CCNY: variants seen among roughly 807,000 people sequenced by gnomAD.
CCNY encodes the protein cyclin Y, also known as cyclin-Y.
In CCNY, 19 loss-of-function variants were observed where a neutral mutation model predicts 42.8. The ratio of observed to expected loss-of-function variants is 0.44; its 90% confidence interval spans 0.31 to 0.65. The LOEUF is 0.65. Ranked by LOEUF, CCNY falls within the 30% of genes least tolerant of loss-of-function variation. The probability of loss-of-function intolerance (pLI) is 0.07; values close to 1 mark genes in which losing one functional copy is unlikely to be tolerated. For synonymous variants in CCNY, 165 were observed against 162.7 expected (o/e 1.01, Z -0.11); for missense variants, 370 against 437.3 (o/e 0.85, Z 1.37).
chr10:35,517,471 T>G, intron 4 of CCNY, among the ~76,000 whole-genome samples: 1 of 152,186 alleles, frequency 6.6e-6, no homozygotes, highest in East Asian at 1.9e-4. Context: ...GAAATAAGTG[T>G]TTAAATTTTA....
At chr10:35,449,498 G>T (rs920156100) in intron 1 of CCNY, among the ~76,000 whole-genome samples, 4 of 152,144 alleles carry the variant, frequency 2.6e-5, no homozygotes, top group African/African-American at 7.2e-5. Flanking sequence ...GCACGCAGGA[G>T]CCTGGCTGAA....
intron 1 of CCNY, among the ~76,000 whole-genome samples, chr10:35,470,009 GAGAC>G (rs1839356913): frequency 6.7e-6 from 1 of 149,754 alleles, no homozygotes. Flanking sequence ...GGGAGATGGA[GAGAC>G]AGACAGGGAG....
intron 1 of CCNY, among the ~76,000 whole-genome samples, chr10:35,454,754 G>T (rs1256161904): frequency 6.6e-6 from 1 of 152,180 alleles, no homozygotes; most frequent in African/African-American, 2.4e-5. Flanking sequence ...TTTCTTCCTG[G>T]CTTTCTTGTG....
chr10:35,498,171 A>C (rs992070050), intron 2 of CCNY, among the ~76,000 whole-genome samples: 1 of 152,152 alleles, frequency 6.6e-6, no homozygotes. Context: ...TCAGCCAGGG[A>C]AACTCCTGGG....
intron 1 of CCNY, among the ~76,000 whole-genome samples, chr10:35,373,389 G>A (rs1264048732): frequency 6.6e-6 from 1 of 152,190 alleles, no homozygotes; most frequent in Non-Finnish European, 1.5e-5. Context: ...GTGTTGGGTT[G>A]AGCACCTGGA....
At chr10:35,525,432 G>A (rs1840633182) in intron 4 of CCNY, among the ~76,000 whole-genome samples, 1 of 152,146 alleles carries the variant, frequency 6.6e-6, no homozygotes, top group Non-Finnish European at 1.5e-5. Flanking sequence ...AAAATAAAAT[G>A]TTAAGGTAGT....
At chr10:35,259,187 C>T (rs757353599) in intron 3 of CCNY, among the ~76,000 whole-genome samples, 11 of 152,162 alleles carry the variant, frequency 7.2e-5, no homozygotes, top group East Asian at 1.9e-4. Flanking sequence ...CCTATTCGAT[C>T]ATCTTTCCAG....
At chr10:35,382,233 A>C (rs997578369) in intron 1 of CCNY, among the ~76,000 whole-genome samples, 1 of 152,178 alleles carries the variant, frequency 6.6e-6, no homozygotes, top group African/African-American at 2.4e-5. Flanking sequence ...CTGAAGGATT[A>C]CTCTGTGTCT....
intron 3 of CCNY, among the ~76,000 whole-genome samples, chr10:35,325,479 CTTT>C (rs1207832860): frequency 6.8e-5 from 9 of 132,848 alleles, no homozygotes; most frequent in Non-Finnish European, 6.5e-5. Context: ...AGCACAGACC[CTTT>C]TTTTTTTTTT....
At chr10:35,436,431 C>T (rs1483811288) in intron 1 of CCNY, among the ~76,000 whole-genome samples, 2 of 152,144 alleles carry the variant, frequency 1.3e-5, no homozygotes, top group African/African-American at 4.8e-5. Flanking sequence ...CTTTACCCTG[C>T]AGTTGGTTGA....
At chr10:35,446,717 C>CA (rs1259421329) in intron 1 of CCNY, among the ~76,000 whole-genome samples, 2 of 152,182 alleles carry the variant, frequency 1.3e-5, no homozygotes, top group African/African-American at 4.8e-5. Context: ...CTGGATGGAG[C>CA]AGAGACTGAC....
At chr10:35,358,720 G>A (rs1013287595) in intron 1 of CCNY, among the ~76,000 whole-genome samples, 6 of 152,194 alleles carry the variant, frequency 3.9e-5, no homozygotes, top group African/African-American at 1.4e-4. Flanking sequence ...AGGCAAAGAT[G>A]CCAGCTTCCT....
chr10:35,541,688 C>T (rs954533168), intron 7 of CCNY, among the ~76,000 whole-genome samples: 1 of 152,192 alleles, frequency 6.6e-6, no homozygotes, highest in African/African-American at 2.4e-5. Flanking sequence ...GTGTGAGCCA[C>T]CATACCTGCC....
At chr10:35,360,273 C>T (rs943434705) in intron 1 of CCNY, among the ~76,000 whole-genome samples, 3 of 139,564 alleles carry the variant, frequency 2.1e-5, no homozygotes, top group African/African-American at 5.3e-5. Flanking sequence ...TCTTTTTTTT[C>T]CTTTCTTTTC....
intron 1 of CCNY, among the ~76,000 whole-genome samples, chr10:35,379,513 A>G (rs892818583): frequency 2.0e-5 from 3 of 152,198 alleles, no homozygotes; most frequent in African/African-American, 7.2e-5. Flanking sequence ...TAAATTCAAG[A>G]CTTAGAACCA....
chr10:35,427,784 A>G (rs1430437915), intron 1 of CCNY, among the ~76,000 whole-genome samples: 1 of 152,234 alleles, frequency 6.6e-6, no homozygotes, highest in Admixed American at 6.5e-5. Context: ...TTGGTAAAGC[A>G]GAGTGAAGTT....
At chr10:35,497,182 T>C (rs752691098) in intron 2 of CCNY, among the ~76,000 whole-genome samples, 1 of 152,224 alleles carries the variant, frequency 6.6e-6, no homozygotes, top group Non-Finnish European at 1.5e-5. Flanking sequence ...ATTAGTTAAT[T>C]CAGTTAGACA....
chr10:35,567,878 A>G (rs989626519), intron 9 of CCNY, among the ~76,000 whole-genome samples: 1 of 152,160 alleles, frequency 6.6e-6, no homozygotes, highest in African/African-American at 2.4e-5. Context: ...TCTCCCAGTT[A>G]TCATCTATTC....
At chr10:35,393,847 A>G (rs1208482934) in intron 1 of CCNY, among the ~76,000 whole-genome samples, 1 of 152,162 alleles carries the variant, frequency 6.6e-6, no homozygotes, top group Non-Finnish European at 1.5e-5. Flanking sequence ...ACTCCAGAGG[A>G]TTGCTTGGAG....
Sources: allele counts gnomAD v4.1 joint callset (sites outside exome capture counted in the v4.1 genomes callset), GRCh38; gene constraint gnomAD v4.1.1; transcripts MANE v1.5; gene names NCBI Gene and HGNC (gene_info 2026-07-23, HGNC 2026-07-21).